The following SESN2 variants were observed in gnomAD, a reference collection of about 807,000 sequenced individuals.
The protein encoded by SESN2 is sestrin 2.
In SESN2, 42 loss-of-function variants were observed where a neutral mutation model predicts 56.0. The ratio of observed to expected loss-of-function variants is 0.75; its 90% CI spans 0.59 to 0.97. The LOEUF is 0.97. Ranked by LOEUF, SESN2 falls within the 50% of genes least tolerant of loss-of-function variation. SESN2 has a pLI of 0.00. For missense variants in SESN2, 507 were observed against 649.4 expected (o/e 0.78, Z 2.38); for synonymous variants, 264 against 267.1 (o/e 0.99, Z 0.11).
rs1648216916 is a variant in SESN2, at chr1:28,280,858, A to AG, written c.*57dup. The stretch of plus-strand genomic sequence containing the variant: ...TCCCCACAAGGACTTCTCTGTCTGG[A>AG]GACAGCCCCAGACCCTTTTGTGTCC... On this transcript the variant is annotated 3_prime_UTR_variant, in exon 10 of 10. Coordinates refer to ENST00000253063, the MANE Select transcript of SESN2 (RefSeq NM_031459.5). 1 of 1,333,412 alleles carries AG rather than the reference A, an allele frequency of 7.5e-7. No homozygotes were observed. Among genetic ancestry groups the AG allele is most frequent in the Non-Finnish European group, 1.1e-6 (1 of 929,820 alleles). The allele number at this position is 1,333,412 out of a possible 1,614,324, so 82.6% of individuals were successfully genotyped here. A position where few individuals can be genotyped will look rare whatever the true frequency, so the allele number is the denominator to read the frequency against.
chr1:28,270,679 C>A (rs908172972), intron 2 of SESN2, among the ~76,000 whole-genome samples: 2 of 151,932 alleles, frequency 1.3e-5, no homozygotes, highest in African/African-American at 4.8e-5. Context: ...TCAAGCAATT[C>A]TCCTGCCTCA....
chr1:28,263,363 T>C (rs992420410), intron 1 of SESN2, among the ~76,000 whole-genome samples: 2 of 152,154 alleles, frequency 1.3e-5, no homozygotes, highest in African/African-American at 4.8e-5. Context: ...CAGACAAGTG[T>C]ATGGCACCAC....
chr1:28,276,635 A>G (rs1460706812), intron 8 of SESN2, among the ~76,000 whole-genome samples: 2 of 122,812 alleles, frequency 1.6e-5, no homozygotes, highest in African/African-American at 6.5e-5. Flanking sequence ...GCTGGAGTGC[A>G]ATGGGGTGAT....
chr1:28,274,879 G>A lies in SESN2; in HGVS notation c.1075G>A (p.Gly359Ser), dbSNP rs375157656. The A allele has an allele frequency of 1.2e-6, 2 of 1,614,168 alleles. No homozygotes were observed. Among genetic ancestry groups the A allele is most frequent in the Admixed American group, 3.3e-5 (2 of 60,030 alleles). ...YSLIQRLYPE[G>S]GQLLDEKFQA... ...GCTGATCCAGCGGCTTTACCCTGAGGGTGGGCAGCTGCTGGATGAGAAGTT... is the reference window on the plus strand; with the variant it reads ...GCTGATCCAGCGGCTTTACCCTGAGAGTGGGCAGCTGCTGGATGAGAAGTT... The change falls in exon 8 of 10, where the codon GGT becomes AGT. Residue 359 changes from glycine (G) to serine (S), a missense_variant. By Grantham distance (56) the Gly-to-Ser change is moderately conservative. Coordinates refer to ENST00000253063, the MANE Select transcript of SESN2 (RefSeq NM_031459.5).
chr1:28,261,238 C>T (rs1647366677), intron 1 of SESN2, among the ~76,000 whole-genome samples: 1 of 152,170 alleles, frequency 6.6e-6, no homozygotes, highest in Admixed American at 6.6e-5. Context: ...CTTGCTTACC[C>T]TTCTCTGCCG....
At chr1:28,280,249 G>A (rs1268857063) in intron 9 of SESN2, among the ~76,000 whole-genome samples, 1 of 152,050 alleles carries the variant, frequency 6.6e-6, no homozygotes, top group Non-Finnish European at 1.5e-5. Flanking sequence ...CAAGGTTGCT[G>A]GGAAGATAAA....
intron 1 of SESN2, among the ~76,000 whole-genome samples, chr1:28,262,382 C>A (rs909996916): frequency 1.3e-5 from 2 of 152,126 alleles, no homozygotes; most frequent in African/African-American, 4.8e-5. Context: ...GTGGCTCATG[C>A]CTGTAATACT....
rs1648248989 is a variant in SESN2 at position 28,281,718 on chromosome 1, C to G, written c.*916C>G. On this transcript the variant is annotated 3_prime_UTR_variant, in exon 10 of 10. Transcript: ENST00000253063. ...ATGTCTCCCAAAAAGTTGAGCCTTT[C>G]TAGATGGCTTAGGTGGCACCATGGC... The G allele has an allele frequency of 6.6e-6, 1 of 152,390 alleles. No individual in the cohort carries two copies. The highest frequency in any genetic ancestry group is 6.5e-5 in the Admixed American group (1 of 15,278). 9.4% of individuals were successfully genotyped at this position (152,390 alleles called of 1,614,324 possible).
At position 28,274,126 on chromosome 1, in the gene SESN2, G is replaced by A; in HGVS notation, c.988G>A (p.Gly330Arg). Residue 330 changes from glycine (G) to arginine (R), a missense_variant, in exon 7 of 10, where the codon GGG becomes AGG. Coordinates refer to ENST00000253063, the MANE Select transcript of SESN2 (RefSeq NM_031459.5). The stretch of plus-strand genomic sequence containing the variant: ...CGGATATGAGGACTTCACTCGGAGA[G>A]GGGCTCAGGCACCCCCTACCTTCCG... ...TFGYEDFTRRGAQAPPTFRAQ... is the reference protein window; with the variant it reads ...TFGYEDFTRRRAQAPPTFRAQ... 2 of 1,613,974 alleles carry A rather than the reference G, an allele frequency of 1.2e-6. No individual in the cohort carries two copies. The highest frequency in any genetic ancestry group is 1.7e-6 in the Non-Finnish European group (2 of 1,179,838).
chr1:28,270,688 CA>C (rs1647739307), intron 2 of SESN2, among the ~76,000 whole-genome samples: 1 of 152,048 alleles, frequency 6.6e-6, no homozygotes, highest in East Asian at 1.9e-4. Context: ...TCTCCTGCCT[CA>C]AGCCTCCCGA....
At position 28,281,090 on chromosome 1, in the gene SESN2, A is replaced by G. The variant is rs1648223380; in HGVS notation, c.*288A>G. The stretch of plus-strand genomic sequence containing the variant: ...TGCCCACAGAGGCAGAGGGCACAGG[A>G]AAGAAGCCGGGCCAAGCTCGGAATT... On this transcript the variant is annotated 3_prime_UTR_variant, in exon 10 of 10. Coordinates refer to ENST00000253063, the MANE Select transcript of SESN2 (RefSeq NM_031459.5). 1 of 345,512 alleles carries G rather than the reference A, an allele frequency of 2.9e-6. No individual in the cohort carries two copies. Among genetic ancestry groups the G allele is most frequent in the Middle Eastern group, 7.8e-4 (1 of 1,282 alleles). The allele number at this position is 345,512 out of a possible 1,614,324, so 21.4% of individuals were successfully genotyped here. A position where few individuals can be genotyped will look rare whatever the true frequency, so the allele number is the denominator to read the frequency against.
chr1:28,263,913 A>G (rs1647468998), intron 1 of SESN2, among the ~76,000 whole-genome samples: 1 of 152,130 alleles, frequency 6.6e-6, no homozygotes, highest in Non-Finnish European at 1.5e-5. Flanking sequence ...TTAAAAGTTA[A>G]CATATAGTAA....
At chr1:28,278,071 C>T (rs1648112653) in intron 8 of SESN2, among the ~76,000 whole-genome samples, 2 of 152,184 alleles carry the variant, frequency 1.3e-5, no homozygotes, top group African/African-American at 4.8e-5. Flanking sequence ...TAAGTGGCTT[C>T]TAGACTCATC....
At chr1:28,274,735 A>C (rs1647961890) in intron 7 of SESN2, 90 bp from the exon 8 acceptor site, 12 of 1,009,828 alleles carry the variant, frequency 1.2e-5, no homozygotes, top group Non-Finnish European at 1.8e-5. Context: ...CAGGAAGGAG[A>C]ATCATGGAGA....
intron 1 of SESN2, among the ~76,000 whole-genome samples, chr1:28,265,536 G>C (rs1014900027): frequency 6.6e-6 from 1 of 152,158 alleles, no homozygotes; most frequent in Non-Finnish European, 1.5e-5. Flanking sequence ...TGGGACTACA[G>C]GCATGCACCA....
At chr1:28,276,775 C>G (rs1215452747) in intron 8 of SESN2, among the ~76,000 whole-genome samples, 2 of 150,592 alleles carry the variant, frequency 1.3e-5, no homozygotes, top group African/African-American at 4.9e-5. Flanking sequence ...GATGAGATTT[C>G]TCCATGTTGG....
At chr1:28,265,177 A>G (rs1291801490) in intron 1 of SESN2, among the ~76,000 whole-genome samples, 2 of 152,078 alleles carry the variant, frequency 1.3e-5, no homozygotes, top group Non-Finnish European at 2.9e-5. Context: ...CACCATTGTT[A>G]TTACTGACTC....
chr1:28,262,810 C>T (rs1647424907), intron 1 of SESN2, among the ~76,000 whole-genome samples: 1 of 150,426 alleles, frequency 6.6e-6, no homozygotes, highest in African/African-American at 2.5e-5. Flanking sequence ...CGCCTGTACT[C>T]CCAGCTACTC....
intron 9 of SESN2, among the ~76,000 whole-genome samples, chr1:28,280,466 A>G (rs1221534554): frequency 1.3e-5 from 2 of 152,228 alleles, no homozygotes; most frequent in Non-Finnish European, 2.9e-5. Flanking sequence ...TTGGCCTCCC[A>G]AAGTGTTGGG....
Sources: gnomAD v4.1 joint callset for allele counts (sites outside exome capture counted in the v4.1 genomes callset) on GRCh38, gnomAD v4.1.1 for gene constraint, MANE v1.5 for transcripts, NCBI Gene and HGNC (gene_info 2026-07-23, HGNC 2026-07-21) for gene names.